NOS1AP: variants seen among roughly 807,000 people sequenced by gnomAD.
The protein encoded by NOS1AP is carboxyl-terminal PDZ ligand of neuronal nitric oxide synthase protein.
Under a neutral mutation model 56.2 loss-of-function variants are expected in NOS1AP, and 21 were observed. The ratio of observed to expected loss-of-function variants is 0.37; its 90% CI spans 0.26 to 0.54. NOS1AP has a LOEUF of 0.54. NOS1AP is among the 20% of genes least tolerant of loss of function. NOS1AP has a pLI of 0.84. For synonymous variants in NOS1AP, 270 were observed against 274.6 expected (o/e 0.98, Z 0.17); for missense variants, 522 against 657.8 (o/e 0.79, Z 2.26).
intron 4 of NOS1AP, among the ~76,000 whole-genome samples, chr1:162,318,143 C>T (rs1656291317): frequency 6.6e-6 from 1 of 152,164 alleles, no homozygotes; most frequent in Non-Finnish European, 1.5e-5. Flanking sequence ...TCCCTACATT[C>T]CCCTAGATCT....
intron 2 of NOS1AP, among the ~76,000 whole-genome samples, chr1:162,216,558 G>A (rs1369250382): frequency 2.0e-5 from 3 of 152,148 alleles, no homozygotes; most frequent in Non-Finnish European, 4.4e-5. Context: ...TAGGCAAGTC[G>A]CTGAACCTCT....
At chr1:162,185,249 C>T (rs759616109) in intron 2 of NOS1AP, among the ~76,000 whole-genome samples, 1 of 152,182 alleles carries the variant, frequency 6.6e-6, no homozygotes, top group Non-Finnish European at 1.5e-5. Flanking sequence ...TTTAATCACA[C>T]CTGCCAAGTA....
chr1:162,172,484 A>G (rs1388196792), intron 2 of NOS1AP, among the ~76,000 whole-genome samples: 2 of 152,146 alleles, frequency 1.3e-5, no homozygotes, highest in Non-Finnish European at 2.9e-5. Context: ...TGGCTTTGCT[A>G]TTGAAACCCT....
intron 2 of NOS1AP, among the ~76,000 whole-genome samples, chr1:162,210,261 C>T (rs1298194290): frequency 1.3e-5 from 2 of 152,084 alleles, no homozygotes; most frequent in East Asian, 3.9e-4. Flanking sequence ...CCTTGGATCT[C>T]CTTGCTGTGG....
chr1:162,228,235 C>G (rs1653008818), intron 2 of NOS1AP, among the ~76,000 whole-genome samples: 1 of 152,150 alleles, frequency 6.6e-6, no homozygotes, highest in Admixed American at 6.5e-5. Flanking sequence ...TCTTGAGTTT[C>G]TTCTGATTTT....
chr1:162,138,423 C>G (rs1252869400), intron 1 of NOS1AP, among the ~76,000 whole-genome samples: 3 of 152,148 alleles, frequency 2.0e-5, no homozygotes, highest in African/African-American at 7.2e-5. Context: ...TATAAAAATA[C>G]ATACATTGAA....
intron 2 of NOS1AP, among the ~76,000 whole-genome samples, chr1:162,167,963 C>A: frequency 1.6e-5 from 2 of 125,270 alleles, no homozygotes; most frequent in East Asian, 2.3e-4. Flanking sequence ...CACTAATAAC[C>A]AAACATGAGA....
chr1:162,222,252 C>G (rs931652989), intron 2 of NOS1AP, among the ~76,000 whole-genome samples: 3 of 152,160 alleles, frequency 2.0e-5, no homozygotes, highest in African/African-American at 7.2e-5. Context: ...ACTTAAGCCA[C>G]GTTATTGAGC....
chr1:162,352,709 A>G (rs889809748), intron 6 of NOS1AP, among the ~76,000 whole-genome samples: 9 of 152,080 alleles, frequency 5.9e-5, no homozygotes, highest in African/African-American at 1.9e-4. Flanking sequence ...GATCTCCTAC[A>G]TCGCTTCTTA....
At chr1:162,358,703 C>T (rs1657780971) in intron 8 of NOS1AP, among the ~76,000 whole-genome samples, 1 of 152,210 alleles carries the variant, frequency 6.6e-6, no homozygotes, top group Admixed American at 6.5e-5. Context: ...CATTCTCAGA[C>T]TCATTTCATT....
intron 2 of NOS1AP, among the ~76,000 whole-genome samples, chr1:162,177,672 C>G (rs890087192): frequency 6.6e-6 from 1 of 152,000 alleles, no homozygotes; most frequent in African/African-American, 2.4e-5. Flanking sequence ...TGTGATTTTT[C>G]TATTTTTTAA....
intron 2 of NOS1AP, among the ~76,000 whole-genome samples, chr1:162,236,348 G>C (rs548783820): frequency 1.3e-5 from 2 of 152,288 alleles, no homozygotes; most frequent in East Asian, 3.9e-4. Context: ...GAACCTGTTA[G>C]ATGCTTTACA....
At chr1:162,222,559 T>C (rs923587178) in intron 2 of NOS1AP, among the ~76,000 whole-genome samples, 1 of 152,238 alleles carries the variant, frequency 6.6e-6, no homozygotes, top group Non-Finnish European at 1.5e-5. Flanking sequence ...TTTGCTTTTT[T>C]ACTTTGATAA....
intron 2 of NOS1AP, among the ~76,000 whole-genome samples, chr1:162,227,878 T>A (rs1015882038): frequency 2.0e-5 from 3 of 152,096 alleles, no homozygotes; most frequent in African/African-American, 7.2e-5. Flanking sequence ...ACAAGATAAT[T>A]TAAACCCTAA....
chr1:162,363,014 A>G (rs1363322174), intron 8 of NOS1AP: 2 of 569,958 alleles, frequency 3.5e-6, no homozygotes, highest in Non-Finnish European at 4.4e-6. Context: ...TTTTTCCCAC[A>G]CACCAAGCAA....
intron 1 of NOS1AP, among the ~76,000 whole-genome samples, chr1:162,125,014 C>A (rs1339108906): frequency 1.3e-5 from 2 of 151,698 alleles, no homozygotes; most frequent in East Asian, 3.9e-4. Flanking sequence ...ACTTTTAGTT[C>A]TTTGAGAAAT....
intron 2 of NOS1AP, among the ~76,000 whole-genome samples, chr1:162,221,690 G>A (rs1652787195): frequency 6.6e-6 from 1 of 151,614 alleles, no homozygotes; most frequent in Admixed American, 6.6e-5. Flanking sequence ...TCAAACGGAG[G>A]GTATTAAATA....
At chr1:162,220,641 G>A (rs1652738836) in intron 2 of NOS1AP, among the ~76,000 whole-genome samples, 1 of 152,114 alleles carries the variant, frequency 6.6e-6, no homozygotes, top group Non-Finnish European at 1.5e-5. Flanking sequence ...TGCTTTATCA[G>A]GTCTTCTATG....
At chr1:162,226,154 G>A (rs975036749) in intron 2 of NOS1AP, among the ~76,000 whole-genome samples, 5 of 152,060 alleles carry the variant, frequency 3.3e-5, no homozygotes, top group Admixed American at 6.6e-5. Flanking sequence ...TTAGCTGGGC[G>A]TGGTGGTGCA....
Sources: allele counts gnomAD v4.1 joint callset (sites outside exome capture counted in the v4.1 genomes callset), GRCh38; gene constraint gnomAD v4.1.1; transcripts MANE v1.5; gene names NCBI Gene and HGNC (gene_info 2026-07-23, HGNC 2026-07-21).